MACF1: variants seen among roughly 807,000 people sequenced by gnomAD.
MACF1 encodes the protein microtubule-actin cross-linking factor 1.
In MACF1, 193 loss-of-function variants were observed where a neutral mutation model predicts 854.8. The observed-to-expected ratio is 0.23, with a 90% CI of 0.20 to 0.25. The LOEUF is 0.25. Ranked by LOEUF, MACF1 falls within the 10% of genes least tolerant of loss-of-function variation. The probability of loss-of-function intolerance (pLI) is 1.00; values close to 1 mark genes in which losing one functional copy is unlikely to be tolerated. For missense variants in MACF1, 7,722 were observed against 8,929.1 expected (o/e 0.86, Z 5.45); for synonymous variants, 3,185 against 3,226.7 (o/e 0.99, Z 0.44).
chr1:39,370,207 C>T, intron 51 of MACF1, 21 bp downstream of exon 51: 1 of 1,592,002 alleles, frequency 6.3e-7, no homozygotes. Context: ...AAAGGGACTC[C>T]AAGAATTGGG....
intron 56 of MACF1, among the ~76,000 whole-genome samples, chr1:39,383,600 G>A (rs943157471): frequency 6.6e-6 from 1 of 152,168 alleles, no homozygotes; most frequent in African/African-American, 2.4e-5. Flanking sequence ...GGCATTGGCC[G>A]GGCACGGTGG....
rs57108021 is a variant in MACF1, at chr1:39,326,680, CAAAAAAAAA to C, written c.4479-525_4479-517del. 1.5e-4 allele frequency among the ~76,000 whole-genome samples: 11 copies of C among 72,740 alleles called. 1 individual carries two copies. The highest frequency in any genetic ancestry group is 6.1e-4 in the African/African-American group (11 of 18,060). The allele number at this position is 72,740 out of a possible 152,430, so 47.7% of individuals were successfully genotyped here. On this transcript the variant is annotated intron_variant, in intron 35 of 100. Coordinates refer to ENST00000564288, the MANE Select transcript of MACF1 (RefSeq NM_001394062.1). Reference sequence around the variant, plus strand: ...TGGGTGACAGAGCGAGACTCCATCTCAAAAAAAAAAAAAAAAAAAAAGAGAGAAGAAAAA... The same window carrying C: ...TGGGTGACAGAGCGAGACTCCATCTCAAAAAAAAAAAAGAGAGAAGAAAAA...
chr1:39,445,455 T>G (rs1644207611), intron 80 of MACF1, among the ~76,000 whole-genome samples: 1 of 152,224 alleles, frequency 6.6e-6, no homozygotes, highest in African/African-American at 2.4e-5. Flanking sequence ...ATTCACTCAA[T>G]GAATAGTTAT....
intron 97 of MACF1, among the ~76,000 whole-genome samples, chr1:39,474,507 C>T (rs575338748): frequency 6.6e-6 from 1 of 152,204 alleles, no homozygotes; most frequent in African/African-American, 2.4e-5. Context: ...ACCAGCCTGG[C>T]CCACATGGTG....
chr1:39,211,432 TA>T (rs935427838), intron 1 of MACF1, among the ~76,000 whole-genome samples: 2 of 152,130 alleles, frequency 1.3e-5, no homozygotes, highest in African/African-American at 2.4e-5. Context: ...TTTTTAAATT[TA>T]AAAAAAATTT....
chr1:39,327,381 T>C, intron 36 of MACF1, 28 bp downstream of exon 36: 1 of 1,573,704 alleles, frequency 6.4e-7, no homozygotes, highest in Non-Finnish European at 8.7e-7. Flanking sequence ...CTCCAAATAT[T>C]GGGTGGATAC....
chr1:39,293,348 A>T, intron 17 of MACF1, 110 bp from the exon 18 acceptor site: 2 of 1,052,294 alleles, frequency 1.9e-6, no homozygotes, highest in South Asian at 3.5e-5. Flanking sequence ...AAATCCAGAG[A>T]TTAAGAGCAA....
chr1:39,271,054 AGT>A (rs1645309539), intron 6 of MACF1, among the ~76,000 whole-genome samples: 1 of 151,984 alleles, frequency 6.6e-6, no homozygotes, highest in African/African-American at 2.4e-5. Flanking sequence ...TGTGGTGGGG[AGT>A]GTGATAGTTG....
intron 52 of MACF1, among the ~76,000 whole-genome samples, chr1:39,376,770 C>T (rs1411405456): frequency 6.6e-6 from 1 of 152,030 alleles, no homozygotes; most frequent in African/African-American, 2.4e-5. Context: ...GGCTGGAGTA[C>T]GGTAGTGTGA....
At chr1:39,165,505 G>T (rs765041721) in intron 2 of MACF1, among the ~76,000 whole-genome samples, 3 of 152,132 alleles carry the variant, frequency 2.0e-5, no homozygotes, top group Non-Finnish European at 4.4e-5. Flanking sequence ...TTTGCAATGT[G>T]TATTTTTTTT....
intron 2 of MACF1, among the ~76,000 whole-genome samples, chr1:39,177,223 C>A (rs1037070749): frequency 2.0e-5 from 3 of 152,274 alleles, no homozygotes; most frequent in Non-Finnish European, 2.9e-5. Context: ...ACAACCCCCG[C>A]CTCCCAGGTT....
chr1:39,296,870 ACTT>A (rs1645929510), intron 20 of MACF1, among the ~76,000 whole-genome samples: 1 of 151,990 alleles, frequency 6.6e-6, no homozygotes, highest in African/African-American at 2.4e-5. Flanking sequence ...GAAAGAATGT[ACTT>A]CTTATTTTCA....
intron 53 of MACF1, 137 bp from the exon 54 acceptor site, chr1:39,379,066 T>G (rs889818587): frequency 2.1e-6 from 2 of 968,324 alleles, no homozygotes; most frequent in African/African-American, 3.3e-5. Flanking sequence ...AAATGGGAAC[T>G]TTTGTATGAT....
chr1:39,233,013 G>T (rs1213269355), intron 2 of MACF1, among the ~76,000 whole-genome samples: 7 of 113,430 alleles, frequency 6.2e-5, no homozygotes, highest in Admixed American at 1.9e-4. Context: ...TGTTTTTGTT[G>T]TTGTTGTTGT....
intron 37 of MACF1, among the ~76,000 whole-genome samples, chr1:39,336,911 G>A (rs1165620510): frequency 6.6e-6 from 1 of 152,174 alleles, no homozygotes; most frequent in African/African-American, 2.4e-5. Context: ...AGAAATACTA[G>A]GATGATGCTA....
intron 49 of MACF1, among the ~76,000 whole-genome samples, chr1:39,365,825 GCCACCA>G (rs749518079): frequency 1.3e-5 from 2 of 152,052 alleles, no homozygotes; most frequent in Non-Finnish European, 2.9e-5. Flanking sequence ...ACAGGGGCCT[GCCACCA>G]CGCCTGGCTA....
At chr1:39,217,306 A>T (rs1165585165) in intron 1 of MACF1, among the ~76,000 whole-genome samples, 1 of 146,846 alleles carries the variant, frequency 6.8e-6, no homozygotes, top group African/African-American at 2.5e-5. Flanking sequence ...ACGGAGTCTT[A>T]CTCTGTTGCT....
chr1:39,271,383 A>G (rs1217367376), intron 6 of MACF1, among the ~76,000 whole-genome samples: 3 of 151,928 alleles, frequency 2.0e-5, no homozygotes, highest in African/African-American at 7.3e-5. Context: ...TCTCATGAAA[A>G]CCCACCTACC....
intron 68 of MACF1, 99 bp downstream of exon 68, chr1:39,433,254 G>A: frequency 1.5e-6 from 1 of 645,262 alleles, no homozygotes; most frequent in Non-Finnish European, 2.6e-6. Context: ...TTTCCCTCCT[G>A]GACTTTTCTT....
Sources: allele counts gnomAD v4.1 joint callset (sites outside exome capture counted in the v4.1 genomes callset), GRCh38; gene constraint gnomAD v4.1.1; transcripts MANE v1.5; gene names NCBI Gene and HGNC (gene_info 2026-07-23, HGNC 2026-07-21).